The following GGT5 variants were observed in gnomAD, a reference collection of about 807,000 sequenced individuals.
GGT5 encodes the protein gamma-glutamyltransferase 5, also known as glutathione hydrolase 5 proenzyme.
GGT5 carries 50 observed loss-of-function variants against 58.1 expected under a neutral mutation model. That is an observed-to-expected ratio of 0.86 (90% CI 0.69 to 1.09). The LOEUF (loss-of-function observed/expected upper bound fraction) is 1.09. GGT5 is among the 50% of genes least tolerant of loss of function. GGT5 has a pLI of 0.00. For synonymous variants in GGT5, 370 were observed against 346.1 expected, an observed-to-expected ratio of 1.07 and a Z score of -0.77; for missense variants, 800 against 789.4, an observed-to-expected ratio of 1.01 and a Z score of -0.16.
intron 2 of GGT5, 77 bp downstream of exon 2, chr22:24,233,797 G>C (rs1013141596): frequency 7.1e-6 from 10 of 1,403,564 alleles, no homozygotes; most frequent in Non-Finnish European, 1.0e-5. Context: ...TTGAGTTGAT[G>C]GGACTGGCTG....
At chr22:24,221,807 A>C (rs948560112) in intron 11 of GGT5, among the ~76,000 whole-genome samples, 1 of 151,106 alleles carries the variant, frequency 6.6e-6, no homozygotes, top group Non-Finnish European at 1.5e-5. Context: ...CGCGCAGCCA[A>C]CTCCCTATGA....
chr22:24,230,859 C>T (rs1197075196), intron 6 of GGT5, among the ~76,000 whole-genome samples: 3 of 152,110 alleles, frequency 2.0e-5, no homozygotes, highest in Non-Finnish European at 4.4e-5. Flanking sequence ...CCTGTGGACA[C>T]CTAGATATCG....
chr22:24,238,848 ATATATAT>A lies in GGT5; in HGVS notation c.174-4851_174-4845del, dbSNP rs1259510912. Among the ~76,000 whole-genome samples, 40 of 13,342 alleles carry A rather than the reference ATATATAT, an allele frequency of 3.0e-3. 1 individual carries two copies. Among genetic ancestry groups the A allele is most frequent in the African/African-American group, 0.01 (23 of 2,294 alleles). 8.8% of individuals were successfully genotyped at this position (13,342 alleles called of 152,430 possible). Reference sequence around the variant, plus strand: ...ATATATATATTTATATATATATATTATATATATTATATATATAATATATATAATATAT... The same window carrying A: ...ATATATATATTTATATATATATATTATATATATATAATATATATAATATAT... On this transcript the variant is annotated intron_variant, in intron 1 of 11. Transcript: ENST00000327365.
chr22:24,229,523 A>C (rs2047878249), intron 6 of GGT5, among the ~76,000 whole-genome samples: 1 of 151,936 alleles, frequency 6.6e-6, no homozygotes, highest in Non-Finnish European at 1.5e-5. Context: ...TGATGGGTGC[A>C]TCAAGATCTC....
Position 24,233,892 on chromosome 22 carries a change from T to C in GGT5, c.286A>G (p.Ile96Val). 2 of 1,613,654 alleles carry C rather than the reference T, an allele frequency of 1.2e-6. No individual in the cohort carries two copies. Among genetic ancestry groups the C allele is most frequent in the Middle Eastern group, 1.6e-4 (1 of 6,062 alleles). ...GGCCCACCTGTTGTCACATTGTAGA[T>C]GGTGAAGATGACCCCTCCGCCCAGG... is the stretch of plus-strand genomic sequence containing the variant. ...MGLGGGVIFTIYNVTTGKVEV... is the reference protein window; with the variant it reads ...MGLGGGVIFTVYNVTTGKVEV... The change falls in exon 2 of 12, where the codon ATC becomes GTC. Residue 96 changes from isoleucine to valine, a missense_variant. Coordinates refer to ENST00000327365, the MANE Select transcript of GGT5 (RefSeq NM_004121.5).
At chr22:24,240,848 A>G (rs1399286492) in intron 1 of GGT5, among the ~76,000 whole-genome samples, 1 of 152,166 alleles carries the variant, frequency 6.6e-6, no homozygotes, top group Non-Finnish European at 1.5e-5. Flanking sequence ...GATAAGAGAC[A>G]CATCATGGAA....
intron 1 of GGT5, among the ~76,000 whole-genome samples, chr22:24,238,937 AT>A (rs2048244673): frequency 5.7e-5 from 1 of 17,526 alleles, no homozygotes; most frequent in Non-Finnish European, 9.1e-5. Context: ...TATATATTAT[AT>A]AATATATATA....
chr22:24,224,839 C>T (rs1482971078), intron 11 of GGT5, among the ~76,000 whole-genome samples, 157 bp downstream of exon 11: 1 of 152,222 alleles, frequency 6.6e-6, no homozygotes, highest in Non-Finnish European at 1.5e-5. Context: ...CCACTGACAG[C>T]CTCACCCATC....
Position 24,226,158 on chromosome 22 carries a change from C to A in GGT5, c.1147G>T (p.Gly383Cys), listed in dbSNP as rs1323539466. ...LSHYSLAEAW[G>C]HGTGTSHVSV... The stretch of plus-strand genomic sequence containing the variant: ...ACATGGGACGTGCCTGTCCCGTGGC[C>A]CCAGGCCTCGGCCAAGCTGTAGTGG... Residue 383 changes from glycine (G) to cysteine (C), a missense_variant, in exon 8 of 12, where the codon GGC (glycine) becomes TGC (cysteine). Gly to Cys is a radical substitution (Grantham distance 159). Transcript: ENST00000327365. 1.2e-6 allele frequency: 2 copies of A among 1,611,302 alleles called. No homozygotes were observed. The highest frequency in any genetic ancestry group is 1.7e-4 in the Middle Eastern group (1 of 6,058).
Position 24,219,744 on chromosome 22 carries a change from G to A in GGT5, c.*226C>T. 4 of 561,956 alleles carry A rather than the reference G, an allele frequency of 7.1e-6. No individual in the cohort carries two copies. The Admixed American group carries it at 9.3e-5, about 13-fold the overall frequency. The allele number at this position is 561,956 out of a possible 1,614,324, so 34.8% of individuals were successfully genotyped here. A position where few individuals can be genotyped will look rare whatever the true frequency, so the allele number is the denominator to read the frequency against. ...GGCCCCAGGCAAGAGGCCTGCGGAG[G>A]GATAGAGGGGCCGGTTCAGGACCAC... On this transcript the variant is annotated 3_prime_UTR_variant, in exon 12 of 12. Transcript: ENST00000327365.
At chr22:24,222,254 C>T (rs2047611746) in intron 11 of GGT5, among the ~76,000 whole-genome samples, 4 of 152,096 alleles carry the variant, frequency 2.6e-5, no homozygotes, top group Admixed American at 1.3e-4. Context: ...CCCTGCAGGG[C>T]CTGAGATTCC....
intron 6 of GGT5, among the ~76,000 whole-genome samples, chr22:24,227,056 C>T (rs985785893): frequency 2.3e-4 from 33 of 143,660 alleles, no homozygotes; most frequent in Non-Finnish European, 7.5e-5. Flanking sequence ...TCAAGTGATT[C>T]TTGGTCCTTA....
At chr22:24,244,378 ACACT>A (rs1407666739) in intron 1 of GGT5, 171 bp downstream of exon 1, 1 of 631,012 alleles carries the variant, frequency 1.6e-6, no homozygotes, top group South Asian at 1.9e-5. Flanking sequence ...CACACTCCCC[ACACT>A]CACACTCACA....
At chr22:24,231,935 C>T (rs1057031441) in intron 5 of GGT5, 116 bp downstream of exon 5, 81 of 861,638 alleles carry the variant, frequency 9.4e-5, no homozygotes, top group Non-Finnish European at 1.2e-4. Context: ...CTCGGGGTCC[C>T]GGGCACTGCC....
At chr22:24,221,805 C>T (rs1438981783) in intron 11 of GGT5, among the ~76,000 whole-genome samples, 2 of 152,038 alleles carry the variant, frequency 1.3e-5, no homozygotes, top group Non-Finnish European at 2.9e-5. Flanking sequence ...CGCGCGCAGC[C>T]AACTCCCTAT....
rs749185518 is a variant in GGT5, at chr22:24,226,764, A to C, written c.905T>G (p.Phe302Cys). The C allele has an allele frequency of 5.0e-6, 8 of 1,613,974 alleles. No individual in the cohort carries two copies. The South Asian group carries it at 8.8e-5, about 18-fold the overall frequency. ...LSFILNVLRG[F>C]NFSTESMARP... ...GGCCATAGACTCTGTTGAGAAGTTG[A>C]ACCCTGGAGAGAGGTTGGGGCACAG... The change falls in exon 7 of 12, where the codon TTC becomes TGC. Residue 302 changes from phenylalanine (F) to cysteine (C), a missense_variant. Phe to Cys is a radical substitution (Grantham distance 205). Coordinates refer to ENST00000327365, the MANE Select transcript of GGT5 (RefSeq NM_004121.5).
intron 7 of GGT5, 106 bp downstream of exon 7, chr22:24,226,525 A>G (rs931791479): frequency 6.4e-6 from 8 of 1,251,972 alleles, no homozygotes; most frequent in East Asian, 2.3e-5. Flanking sequence ...AGAACCACAT[A>G]CATATCCCTC....
intron 11 of GGT5, chr22:24,220,741 C>G (rs1358419969): frequency 4.5e-6 from 2 of 448,834 alleles, no homozygotes; most frequent in Non-Finnish European, 8.9e-6. Flanking sequence ...AAAAGAAAAT[C>G]AAAAATTGGG....
intron 1 of GGT5, among the ~76,000 whole-genome samples, chr22:24,235,228 T>C (rs1340673316): frequency 6.6e-6 from 1 of 152,050 alleles, no homozygotes; most frequent in Non-Finnish European, 1.5e-5. Flanking sequence ...CTGACTAATT[T>C]TGTATTTTTA....
Sources: allele counts gnomAD v4.1 joint callset (sites outside exome capture counted in the v4.1 genomes callset), GRCh38; gene constraint gnomAD v4.1.1; transcripts MANE v1.5; gene names NCBI Gene and HGNC (gene_info 2026-07-23, HGNC 2026-07-21).